ARHGEF10L: variants seen among roughly 807,000 people sequenced by gnomAD.
The protein encoded by ARHGEF10L is Rho guanine nucleotide exchange factor 10 like, also known as rho guanine nucleotide exchange factor 10-like protein.
ARHGEF10L carries 69 observed loss-of-function variants against 141.2 expected under a neutral mutation model. The ratio of observed to expected loss-of-function variants is 0.49; its 90% CI spans 0.40 to 0.60. The LOEUF (loss-of-function observed/expected upper bound fraction) is 0.60. Among genes scored for constraint, ARHGEF10L ranks in the 20% least tolerant of loss-of-function variants. The pLI, the probability that ARHGEF10L is intolerant of heterozygous loss-of-function variation, is 0.00. For missense variants in ARHGEF10L, 1,482 were observed against 1,734.3 expected (o/e 0.85, Z 2.58); for synonymous variants, 711 against 718.5 (o/e 0.99, Z 0.17).
chr1:17,645,078 G>T (rs2061519597), intron 21 of ARHGEF10L, among the ~76,000 whole-genome samples: 1 of 152,174 alleles, frequency 6.6e-6, no homozygotes, highest in Admixed American at 6.5e-5. Flanking sequence ...TGCTCCCTGT[G>T]TCCCATGGGG....
chr1:17,532,365 G>T, the ARHGEF10L span, among the ~76,000 whole-genome samples: 1 of 152,182 alleles, frequency 6.6e-6, no homozygotes. Flanking sequence ...CCTTGGCCAG[G>T]CCCCAAGCTG....
At chr1:17,685,127 G>C (rs1300314667) in intron 26 of ARHGEF10L, among the ~76,000 whole-genome samples, 3 of 152,214 alleles carry the variant, frequency 2.0e-5, no homozygotes, top group Non-Finnish European at 4.4e-5. Flanking sequence ...GCTGAGTCCT[G>C]TTCCTCCCTC....
chr1:17,661,308 C>T (rs1407783947), intron 25 of ARHGEF10L, among the ~76,000 whole-genome samples: 1 of 152,252 alleles, frequency 6.6e-6, no homozygotes, highest in Admixed American at 6.5e-5. Flanking sequence ...GAACTCCCAA[C>T]CTCAGGTGAT....
chr1:17,567,435 C>T (rs59479300), intron 1 of ARHGEF10L, among the ~76,000 whole-genome samples: 1,877 of 152,242 alleles, frequency 0.012, 38 homozygotes, highest in African/African-American at 0.043. Flanking sequence ...GGCGCGATCT[C>T]GGCTCACTGT....
intron 23 of ARHGEF10L, 61 bp from the exon 24 acceptor site, chr1:17,655,818 G>A: frequency 6.9e-7 from 1 of 1,459,556 alleles, no homozygotes; most frequent in Non-Finnish European, 9.3e-7. Flanking sequence ...AGGGGCTGAG[G>A]TCCTCCTCTG....
intron 26 of ARHGEF10L, among the ~76,000 whole-genome samples, chr1:17,667,452 C>T (rs755005846): frequency 6.6e-6 from 1 of 152,088 alleles, no homozygotes; most frequent in East Asian, 1.9e-4. Flanking sequence ...GAGTGGGGCC[C>T]GAGACAGGAA....
In ARHGEF10L at chr1:17,656,589, A is replaced by G; in HGVS notation, c.2741A>G (p.Gln914Arg). The part of the protein sequence containing the change: ...LLYSSVDTGT[Q>R]CLVSCRSPGL... Reference sequence around the variant, plus strand: ...TACAGCAGTGTGGACACTGGCACCCAGTGCCTGGTGAGCTGCAGGAGCCCA... The same window carrying G: ...TACAGCAGTGTGGACACTGGCACCCGGTGCCTGGTGAGCTGCAGGAGCCCA... The change falls in exon 25 of 29, where the codon CAG becomes CGG. Residue 914 changes from glutamine to arginine, a missense_variant. By Grantham distance (43) the Gln-to-Arg change is conservative. Around this residue, in one of 3 missense-constraint regions of ARHGEF10L, gnomAD observed 858 missense variants for 966.3 expected, o/e 0.89. Transcript: ENST00000361221. The surrounding 1 kb of genome is among the most constrained non-coding windows in gnomAD (Gnocchi z 4.9). 2 of 1,613,216 alleles carry G rather than the reference A, an allele frequency of 1.2e-6. No homozygotes were observed. The highest frequency in any genetic ancestry group is 1.7e-6 in the Non-Finnish European group (2 of 1,179,870).
intron 1 of ARHGEF10L, among the ~76,000 whole-genome samples, chr1:17,559,360 G>C (rs1383109877): frequency 6.6e-6 from 1 of 152,184 alleles, no homozygotes; most frequent in African/African-American, 2.4e-5. Flanking sequence ...GACACTAGAA[G>C]GGGCTGGGTA....
Position 17,621,431 on chromosome 1 carries a change from C to G in ARHGEF10L, c.943-433C>G, listed in dbSNP as rs138640921. Among the ~76,000 whole-genome samples, 30 of 152,248 alleles carry G rather than the reference C, an allele frequency of 2.0e-4. No homozygotes were observed. The highest frequency in any genetic ancestry group is 7.0e-4 in the African/African-American group (29 of 41,554). On this transcript the variant is annotated intron_variant, in intron 10 of 28. Coordinates refer to ENST00000361221, the MANE Select transcript of ARHGEF10L (RefSeq NM_018125.4). The surrounding 1 kb of genome is among the most constrained non-coding windows in gnomAD (Gnocchi z 4.1). ...TATTTTTACTAGAGACAGGGTTTCA[C>G]CATGTTGGCCAGGCTGGTTTCGAAC... is the stretch of plus-strand genomic sequence containing the variant.
chr1:17,640,402 G>T, intron 21 of ARHGEF10L, 100 bp downstream of exon 21: 1 of 1,002,604 alleles, frequency 1.0e-6, no homozygotes. Context: ...GGGTCAGCGG[G>T]GGGCAGGGAG....
chr1:17,682,569 A>G (rs560921417), intron 26 of ARHGEF10L, among the ~76,000 whole-genome samples: 27 of 152,186 alleles, frequency 1.8e-4, no homozygotes, highest in Non-Finnish European at 3.8e-4. Context: ...TTCATTTACC[A>G]AAACTGGTGC....
chr1:17,688,776 T>G (rs1020693700), intron 27 of ARHGEF10L, among the ~76,000 whole-genome samples: 3 of 152,252 alleles, frequency 2.0e-5, no homozygotes, highest in African/African-American at 7.2e-5. Flanking sequence ...TAGCCAGCAC[T>G]GCAGGAGCCT....
chr1:17,638,153 T>A (rs1342804537), intron 19 of ARHGEF10L, 150 bp downstream of exon 19: 1 of 736,814 alleles, frequency 1.4e-6, no homozygotes, highest in Non-Finnish European at 2.2e-6. Context: ...CTGTCGCTGC[T>A]GAAGCTCCAT....
chr1:17,668,519 G>A (rs763497905), intron 26 of ARHGEF10L, among the ~76,000 whole-genome samples: 3 of 152,260 alleles, frequency 2.0e-5, no homozygotes, highest in Non-Finnish European at 4.4e-5. Context: ...GCACGAGGCT[G>A]TGATGATTTA....
rs781447328 is a variant in ARHGEF10L at position 17,695,165 on chromosome 1, G to A, written c.3192G>A (p.Lys1064=). 6.2e-7 allele frequency: 1 copy of A among 1,612,866 alleles called. No individual in the cohort carries two copies. The highest frequency in any genetic ancestry group is 1.1e-5 in the South Asian group (1 of 91,076). The change falls in exon 28 of 29, where the codon AAG becomes AAA. Residue 1064 remains lysine, a synonymous_variant. Coordinates refer to ENST00000361221, the MANE Select transcript of ARHGEF10L (RefSeq NM_018125.4). ...TRTTFLLPGQ[K]HLCVTSLLIC... ...CGCCCTCTCTTTCTGCAGGCCAGAA[G>A]CACTTGTGTGTCACCAGCCTCCTGA...
chr1:17,559,642 G>T (rs1001340708), intron 1 of ARHGEF10L, among the ~76,000 whole-genome samples: 1 of 152,212 alleles, frequency 6.6e-6, no homozygotes, highest in African/African-American at 2.4e-5. Flanking sequence ...CTGGGGGTCA[G>T]TCTGTGGGGT....
chr1:17,657,402 G>T (rs1250654787), intron 25 of ARHGEF10L, among the ~76,000 whole-genome samples: 1 of 152,170 alleles, frequency 6.6e-6, no homozygotes, highest in Non-Finnish European at 1.5e-5. Flanking sequence ...GTGGAGTGCT[G>T]TGGTCCCCAT....
intron 7 of ARHGEF10L, among the ~76,000 whole-genome samples, chr1:17,608,259 C>G (rs1459720971): frequency 6.6e-6 from 1 of 152,232 alleles, no homozygotes; most frequent in African/African-American, 2.4e-5. Flanking sequence ...CAGACCTGGT[C>G]AATTGATCCT....
At position 17,621,966 on chromosome 1, in the gene ARHGEF10L, G is replaced by T; in HGVS notation, c.1020+25G>T. ...GGTGCGACTTCAGGGAGTTCTCAAG[G>T]GTCTCTGGGGAGAAGCAGGGAGGGC... is the stretch of plus-strand genomic sequence containing the variant. On this transcript the variant is annotated intron_variant, in intron 11 of 28. Coordinates refer to ENST00000361221, the MANE Select transcript of ARHGEF10L (RefSeq NM_018125.4). This position sits in a 1 kb window ranked among gnomAD's most constrained non-coding sequence, Gnocchi z 4.1. 2 of 1,613,308 alleles carry T rather than the reference G, an allele frequency of 1.2e-6. No individual in the cohort carries two copies. The highest frequency in any genetic ancestry group is 1.7e-6 in the Non-Finnish European group (2 of 1,179,296).
Sources: gnomAD v4.1 joint callset for allele counts (sites outside exome capture counted in the v4.1 genomes callset) on GRCh38, gnomAD v4.1.1 for gene constraint, gnomAD v4.1.1 regional missense constraint, Gnocchi (gnomAD v3.1) non-coding constraint, MANE v1.5 for transcripts, NCBI Gene and HGNC (gene_info 2026-07-23, HGNC 2026-07-21) for gene names.